Variants in RUFY3 observed in about 807,000 individuals in gnomAD.
The protein encoded by RUFY3 is RUN and FYVE domain containing 3.
A neutral mutation model predicts 84.0 loss-of-function variants in RUFY3; 34 were observed. That is an observed-to-expected ratio of 0.40 (90% CI 0.31 to 0.54). RUFY3 has a LOEUF of 0.54. Ranked by LOEUF, RUFY3 falls within the 20% of genes least tolerant of loss-of-function variation. The probability of loss-of-function intolerance (pLI) is 0.39; values close to 1 mark genes in which losing one functional copy is unlikely to be tolerated. For missense variants in RUFY3, 507 were observed against 736.8 expected, an observed-to-expected ratio of 0.69 and a Z score of 3.61; for synonymous variants, 242 against 252.9, an observed-to-expected ratio of 0.96 and a Z score of 0.41.
chr4:70,786,415 A>G (rs974672487), intron 10 of RUFY3, among the ~76,000 whole-genome samples: 1 of 151,930 alleles, frequency 6.6e-6, no homozygotes, highest in African/African-American at 2.4e-5. Context: ...TTATTGATGC[A>G]TAATAGATAT....
intron 15 of RUFY3, among the ~76,000 whole-genome samples, chr4:70,801,899 A>T (rs1732279611): frequency 6.6e-6 from 1 of 152,190 alleles, no homozygotes; most frequent in African/African-American, 2.4e-5. Context: ...ACTAAAATCA[A>T]ATCATTTACT....
At position 70,788,757 on chromosome 4, in the gene RUFY3, CTTAG is replaced by C. The variant is rs1479202195; in HGVS notation, c.1072-46_1072-43del. On this transcript the variant is annotated intron_variant, in intron 10 of 17. Coordinates refer to ENST00000381006, the MANE Select transcript of RUFY3 (RefSeq NM_001037442.4). The stretch of plus-strand genomic sequence containing the variant: ...TTCCTGTGAAATATTATGGTTTGTA[CTTAG>C]TTGAAGGAACAGAGTGTAAGCAATT... 4.4e-6 allele frequency: 7 copies of C among 1,595,816 alleles called. No homozygotes were observed. The South Asian group carries it at 6.7e-5, about 15-fold the overall frequency.
intron 8 of RUFY3, among the ~76,000 whole-genome samples, chr4:70,781,962 G>A (rs1050094909): frequency 6.6e-6 from 1 of 152,176 alleles, no homozygotes; most frequent in Non-Finnish European, 1.5e-5. Context: ...ATGTTTCCCT[G>A]TAGCAGTTGA....
intron 12 of RUFY3, chr4:70,789,868 CAG>C (rs755052858): frequency 5.8e-4 from 630 of 1,082,880 alleles, no homozygotes; most frequent in Non-Finnish European, 6.7e-4. Context: ...TAATCCATGT[CAG>C]AGTCATGTGT....
At chr4:70,754,468 A>G (rs941139151) in intron 1 of RUFY3, among the ~76,000 whole-genome samples, 7 of 152,220 alleles carry the variant, frequency 4.6e-5, no homozygotes, top group African/African-American at 1.4e-4. Flanking sequence ...TTAAGAATAG[A>G]TAGATATAGT....
chr4:70,707,432 G>A (rs1463357688), intron 1 of RUFY3, among the ~76,000 whole-genome samples: 1 of 152,158 alleles, frequency 6.6e-6, no homozygotes, highest in African/African-American at 2.4e-5. Context: ...TTTTAGTAGA[G>A]ACGAGGTTTC....
At chr4:70,787,187 AATATAT>A (rs1202870337) in intron 10 of RUFY3, among the ~76,000 whole-genome samples, 818 of 81,300 alleles carry the variant, frequency 0.01, 13 homozygotes, top group African/African-American at 0.017. Flanking sequence ...AAAAAAAAAA[AATATAT>A]ATATATATAT....
chr4:70,786,323 T>C (rs1729801261), intron 10 of RUFY3, among the ~76,000 whole-genome samples: 2 of 152,152 alleles, frequency 1.3e-5, no homozygotes, highest in Admixed American at 6.5e-5. Flanking sequence ...TGGTCCTCTG[T>C]TGCATAGTGT....
intron 1 of RUFY3, among the ~76,000 whole-genome samples, chr4:70,713,435 C>T (rs1007514299): frequency 6.6e-6 from 1 of 152,206 alleles, no homozygotes; most frequent in African/African-American, 2.4e-5. Flanking sequence ...CATAGTCTCC[C>T]TAAAACTTCT....
chr4:70,760,440 G>A (rs115483497), intron 1 of RUFY3, among the ~76,000 whole-genome samples: 2,298 of 151,166 alleles, frequency 0.015, 29 homozygotes, highest in Middle Eastern at 0.051. Context: ...ATGCCTCAAA[G>A]TTATGGGCAG....
intron 1 of RUFY3, among the ~76,000 whole-genome samples, chr4:70,733,098 GAGAGA>G (rs1360454967): frequency 1.4e-4 from 9 of 65,288 alleles, no homozygotes; most frequent in African/African-American, 7.2e-4. Context: ...AGAGAGAGGA[GAGAGA>G]GAGAGAGAGA....
intron 1 of RUFY3, among the ~76,000 whole-genome samples, chr4:70,709,505 G>A (rs985302545): frequency 1.3e-5 from 2 of 152,148 alleles, no homozygotes; most frequent in African/African-American, 4.8e-5. Flanking sequence ...TTACAGACAT[G>A]TATGTTTTTA....
At position 70,722,744 on chromosome 4, in the gene RUFY3, C is replaced by G; in HGVS notation, c.171C>G (p.Thr57=). 1 of 1,613,858 alleles carries G rather than the reference C, an allele frequency of 6.2e-7. No homozygotes were observed. Among genetic ancestry groups the G allele is most frequent in the Non-Finnish European group, 8.5e-7 (1 of 1,179,848 alleles). The change falls in exon 1 of 18, where the codon ACC becomes ACG. Residue 57 remains threonine (T), a synonymous_variant. Coordinates refer to ENST00000381006, the MANE Select transcript of RUFY3 (RefSeq NM_001037442.4). The stretch of plus-strand genomic sequence containing the variant: ...CACTTACACCTGACCCAGAGCCTAC[C>G]CATGAAGGTATGGTCAGATCCTGTC... The part of the protein sequence containing the change: ...DISLTPDPEP[T]HEDPNYLMAN...
At chr4:70,741,595 T>C in intron 1 of RUFY3, 1 of 1,509,006 alleles carries the variant, frequency 6.6e-7, no homozygotes, top group South Asian at 1.3e-5. Context: ...ACATTTTATC[T>C]TTCTTTTCCT....
chr4:70,798,330 C>G (rs1348781655), intron 14 of RUFY3, among the ~76,000 whole-genome samples: 1 of 152,130 alleles, frequency 6.6e-6, no homozygotes, highest in East Asian at 1.9e-4. Context: ...GATCATGCCA[C>G]TGCACTCCAG....
intron 1 of RUFY3, among the ~76,000 whole-genome samples, chr4:70,714,006 GCTTA>G (rs1741292412): frequency 1.3e-5 from 2 of 152,222 alleles, no homozygotes; most frequent in South Asian, 4.2e-4. Context: ...TTTACTTACT[GCTTA>G]CTTTGTGCCA....
chr4:70,706,597 C>CT (rs991499161), intron 1 of RUFY3, among the ~76,000 whole-genome samples: 1 of 152,204 alleles, frequency 6.6e-6, no homozygotes, highest in African/African-American at 2.4e-5. Flanking sequence ...AGATCCAAAA[C>CT]TGTGATGGTG....
intron 1 of RUFY3, among the ~76,000 whole-genome samples, chr4:70,726,758 G>A (rs1718318382): frequency 6.6e-6 from 1 of 152,216 alleles, no homozygotes; most frequent in Non-Finnish European, 1.5e-5. Context: ...CCTGGCTTAA[G>A]TCTGTACCCT....
intron 1 of RUFY3, chr4:70,741,553 T>C: frequency 7.6e-7 from 1 of 1,312,970 alleles, no homozygotes; most frequent in Non-Finnish European, 1.0e-6. Context: ...AAATCTTGTT[T>C]TTAATAGCAC....
Sources: allele counts gnomAD v4.1 joint callset (sites outside exome capture counted in the v4.1 genomes callset), GRCh38; gene constraint gnomAD v4.1.1; transcripts MANE v1.5; gene names NCBI Gene and HGNC (gene_info 2026-07-23, HGNC 2026-07-21).